COL6A1: variants seen among roughly 807,000 people sequenced by gnomAD.
COL6A1 encodes the protein collagen type VI alpha 1 chain, also known as collagen alpha-1(VI) chain.
COL6A1 carries 80 observed loss-of-function variants against 145.6 expected under a neutral mutation model. The ratio of observed to expected loss-of-function variants is 0.55; its 90% CI spans 0.46 to 0.66. The LOEUF is 0.66. Among genes scored for constraint, COL6A1 ranks in the 30% least tolerant of loss-of-function variants. The pLI is 0.00. For synonymous variants in COL6A1, 638 were observed against 622.8 expected (o/e 1.02, Z -0.36); for missense variants, 1,364 against 1,473.8 (o/e 0.93, Z 1.22).
At chr21:45,999,840 C>T (rs2077828365) in intron 27 of COL6A1, 148 bp downstream of exon 27, 1 of 747,688 alleles carries the variant, frequency 1.3e-6, no homozygotes, top group Non-Finnish European at 2.0e-6. Flanking sequence ...CCTAGGGACC[C>T]GTGACGGCCA....
rs1341754465 is a variant in COL6A1 at position 45,986,527 on chromosome 21, G to C, written c.430G>C (p.Gly144Arg). ...KKGLEQLLVG[G>R]SHLKENKYLI... ...CTCACGCTGCCCTCTCCTGTCCAGG[G>C]GCTCCCACCTGAAGGAGAATAAGTA... is the stretch of plus-strand genomic sequence containing the variant. Residue 144 changes from glycine to arginine, a missense_variant and splice_region_variant, in exon 4 of 35, where the codon GGC (glycine) becomes CGC (arginine). Around this residue, in one of 3 missense-constraint regions of COL6A1, gnomAD observed 414 missense variants for 437.6 expected, o/e 0.95. Coordinates refer to ENST00000361866, the MANE Select transcript of COL6A1 (RefSeq NM_001848.3). 1.9e-6 allele frequency: 3 copies of C among 1,557,926 alleles called. No individual in the cohort carries two copies. The highest frequency in any genetic ancestry group is 2.6e-6 in the Non-Finnish European group (3 of 1,150,906).
Position 45,992,206 on chromosome 21 carries a change from G to A in COL6A1, c.1225G>A (p.Ala409Thr), listed in dbSNP as rs760349853. 6.2e-7 allele frequency: 1 copy of A among 1,613,684 alleles called. No homozygotes were observed. Among genetic ancestry groups the A allele is most frequent in the South Asian group, 1.1e-5 (1 of 91,088 alleles). ...EPGPPGEKGE[A>T]GDEGNPGPDG... ...TGGGCCCCCCGGAGAGAAAGGAGAGGCGGGCGACGAGGTGAGTGAGGGCTC... is the reference window on the plus strand; with the variant it reads ...TGGGCCCCCCGGAGAGAAAGGAGAGACGGGCGACGAGGTGAGTGAGGGCTC... The change falls in exon 17 of 35, where the codon GCG becomes ACG. Residue 409 changes from alanine (A) to threonine (T), a missense_variant. Physicochemically the swap from Ala to Thr is moderately conservative, Grantham distance 58. Transcript: ENST00000361866.
At chr21:45,983,534 G>C (rs944740393) in intron 2 of COL6A1, among the ~76,000 whole-genome samples, 3 of 152,154 alleles carry the variant, frequency 2.0e-5, no homozygotes, top group Non-Finnish European at 2.9e-5. Context: ...CACCAGAAGG[G>C]GCACAGTCAG....
In COL6A1 at chr21:46,002,511, C is replaced by T. The variant is rs1243894570; in HGVS notation, c.2251-16C>T. 5 of 1,613,868 alleles carry T rather than the reference C, an allele frequency of 3.1e-6. No individual in the cohort carries two copies. Among genetic ancestry groups the T allele is most frequent in the Non-Finnish European group, 4.2e-6 (5 of 1,179,810 alleles). ...CAGAGCAGGCTGCGCCACACCGATA[C>T]TGTCTGTCCCCACAGGTGGTCTCCG... On this transcript the variant is annotated splice_polypyrimidine_tract_variant and intron_variant, in intron 32 of 34. Coordinates refer to ENST00000361866, the MANE Select transcript of COL6A1 (RefSeq NM_001848.3).
rs1569517619 is a variant in COL6A1 at position 45,982,775 on chromosome 21, G to GC, written c.227+16dup. 1 of 1,611,250 alleles carries GC rather than the reference G, an allele frequency of 6.2e-7. No individual in the cohort carries two copies. The highest frequency in any genetic ancestry group is 8.5e-7 in the Non-Finnish European group (1 of 1,179,866). ...AACCTGAGGGACAGGTAGGAGGGAC[G>GC]CCCCGTGACCTTCCTCCTGTGCTTC... On this transcript the variant is annotated intron_variant, in intron 2 of 34. Transcript: ENST00000361866.
intron 20 of COL6A1, 138 bp from the exon 21 acceptor site, chr21:45,997,283 T>C: frequency 9.9e-6 from 8 of 804,094 alleles, no homozygotes; most frequent in Non-Finnish European, 1.3e-5. Context: ...GGCCTGGCTC[T>C]CCCCCTGCAC....
rs1280630807 is a variant in COL6A1 at position 46,004,256 on chromosome 21, C to G, written c.*243C>G. 2 of 588,954 alleles carry G rather than the reference C, an allele frequency of 3.4e-6. No individual in the cohort carries two copies. The highest frequency in any genetic ancestry group is 2.0e-5 in the South Asian group (1 of 49,216). 36.5% of individuals were successfully genotyped at this position (588,954 alleles called of 1,614,324 possible). On this transcript the variant is annotated 3_prime_UTR_variant, in exon 35 of 35. Transcript: ENST00000361866. ...GGGCTCAGCCCTGAGCTAGTGTCAC[C>G]TGCACAGGGCCCTCTGAGGCTCAGC...
intron 19 of COL6A1, among the ~76,000 whole-genome samples, chr21:45,993,244 A>AC (rs1252047567): frequency 6.6e-6 from 1 of 151,986 alleles, no homozygotes; most frequent in African/African-American, 2.4e-5. Context: ...CTCAGAGGCC[A>AC]CCCCCCACCT....
chr21:45,992,872 G>A, intron 19 of COL6A1, 62 bp downstream of exon 19: 6 of 1,458,884 alleles, frequency 4.1e-6, no homozygotes, highest in Non-Finnish European at 5.6e-6. Flanking sequence ...GGCTGGGGCT[G>A]GGTCAGGCCT....
chr21:45,992,586 C>G (rs144174477), intron 18 of COL6A1, among the ~76,000 whole-genome samples, 162 bp from the exon 19 acceptor site: 1 of 152,216 alleles, frequency 6.6e-6, no homozygotes, highest in Non-Finnish European at 1.5e-5. Context: ...CCTGGGGAAC[C>G]AGGAGATTCC....
Position 46,002,535 on chromosome 21 carries a change from C to T in COL6A1, c.2259C>T (p.Ser753=), listed in dbSNP as rs769069690. The T allele has an allele frequency of 9.3e-6, 15 of 1,613,670 alleles. No homozygotes were observed. The highest frequency in any genetic ancestry group is 5.0e-5 in the Admixed American group (3 of 60,010). ...ACTGTCTGTCCCCACAGGTGGTCTC[C>T]GTGGGCATCAAAGACGTGTTTGACT... ...VLCSPGIQVV[S]VGIKDVFDFI... is the part of the protein sequence containing the mutation. The change falls in exon 33 of 35, where the codon TCC becomes TCT. Residue 753 remains serine, a synonymous_variant. Coordinates refer to ENST00000361866, the MANE Select transcript of COL6A1 (RefSeq NM_001848.3).
rs748327110 is a variant in COL6A1, at chr21:46,003,480, G to A, written c.2554G>A (p.Ala852Thr). 7.5e-6 allele frequency: 12 copies of A among 1,609,426 alleles called. No individual in the cohort carries two copies. In the East Asian group the frequency reaches 1.8e-4, roughly 24 times the overall value. Residue 852 changes from alanine (A) to threonine (T), a missense_variant, in exon 35 of 35, where the codon GCC (alanine) becomes ACC (threonine). Transcript: ENST00000361866. ...SHNFDTTKRF[A>T]KRLAERFLTA... Reference sequence around the variant, plus strand: ...CAACTTTGACACCACCAAGCGCTTCGCCAAGCGCCTGGCCGAGCGCTTCCT... The same window carrying A: ...CAACTTTGACACCACCAAGCGCTTCACCAAGCGCCTGGCCGAGCGCTTCCT...
At position 45,987,000 on chromosome 21, in the gene COL6A1, G is replaced by A. The variant is rs115292913; in HGVS notation, c.645G>A (p.Ala215=). Residue 215 remains alanine (A), a synonymous_variant, in exon 5 of 35, where the codon GCG becomes GCA. Coordinates refer to ENST00000361866, the MANE Select transcript of COL6A1 (RefSeq NM_001848.3). The part of the protein sequence containing the change: ...TDHTYRRNFT[A]ADWGQSRDAE... ...ACACGTACCGGCGCAACTTCACGGC[G>A]GCTGACTGGGGCCAGAGCCGCGACG... 3,005 of 1,551,210 alleles carry A rather than the reference G, an allele frequency of 1.9e-3. 45 individuals are homozygous for A. In the African/African-American group the frequency reaches 0.036, roughly 18 times the overall value.
At chr21:46,000,442 G>A in intron 28 of COL6A1, 75 bp downstream of exon 28, 1 of 1,536,820 alleles carries the variant, frequency 6.5e-7, no homozygotes, top group Non-Finnish European at 9.0e-7. Context: ...TCCTAGAAGG[G>A]TGTCTCCACT....
intron 22 of COL6A1, 142 bp from the exon 23 acceptor site, chr21:45,997,979 C>G (rs1348878019): frequency 2.5e-6 from 3 of 1,198,810 alleles, no homozygotes; most frequent in African/African-American, 3.0e-5. Context: ...CCACGGGGAC[C>G]AGCAGGGTGG....
intron 33 of COL6A1, 133 bp from the exon 34 acceptor site, chr21:46,002,984 GCAT>G (rs1227874465): frequency 1.5e-6 from 2 of 1,321,760 alleles, no homozygotes; most frequent in African/African-American, 2.9e-5. Context: ...TGTCCCACAG[GCAT>G]CCTCCTCCCG....
In COL6A1 at chr21:46,004,684, G is replaced by C. The variant is rs2077871155; in HGVS notation, c.*671G>C. 2.2e-6 allele frequency: 1 copy of C among 450,140 alleles called. No individual in the cohort carries two copies. Among genetic ancestry groups the C allele is most frequent in the South Asian group, 1.6e-5 (1 of 63,770 alleles). 27.9% of individuals were successfully genotyped at this position (450,140 alleles called of 1,614,324 possible). ...CCCGTCTCCTGAGGGTCCTGCTGGT[G>C]ACCGGCCTGGACCTTGGCCCTACAG... On this transcript the variant is annotated 3_prime_UTR_variant, in exon 35 of 35. Coordinates refer to ENST00000361866, the MANE Select transcript of COL6A1 (RefSeq NM_001848.3).
At position 46,002,351 on chromosome 21, in the gene COL6A1, A is replaced by G. The variant is rs562898957; in HGVS notation, c.2200A>G (p.Thr734Ala). Residue 734 changes from threonine (T) to alanine (A), a missense_variant, in exon 32 of 35, where the codon ACT becomes GCT. Thr to Ala is a moderately conservative substitution (Grantham distance 58). Around this residue, in one of 3 missense-constraint regions of COL6A1, gnomAD observed 938 missense variants for 1,003.8 expected, o/e 0.93. Coordinates refer to ENST00000361866, the MANE Select transcript of COL6A1 (RefSeq NM_001848.3). ...GGTCATCACTGACGGGCGCTCAGACACTCAGAGGGACACCACACCGCTCAA... is the reference window on the plus strand; with the variant it reads ...GGTCATCACTGACGGGCGCTCAGACGCTCAGAGGGACACCACACCGCTCAA... ...ALVITDGRSD[T>A]QRDTTPLNVL... The G allele has an allele frequency of 9.6e-5, 153 of 1,592,066 alleles. No individual in the cohort carries two copies. The highest frequency in any genetic ancestry group is 5.0e-4 in the Middle Eastern group (3 of 6,042).
At position 46,003,470 on chromosome 21, in the gene COL6A1, C is replaced by A; in HGVS notation, c.2544C>A (p.Thr848=). 2 of 1,608,660 alleles carry A rather than the reference C, an allele frequency of 1.2e-6. No homozygotes were observed. The highest frequency in any genetic ancestry group is 1.7e-6 in the Non-Finnish European group (2 of 1,179,708). The change falls in exon 35 of 35, where the codon ACC becomes ACA. Residue 848 remains threonine (T), a synonymous_variant. Coordinates refer to ENST00000361866, the MANE Select transcript of COL6A1 (RefSeq NM_001848.3). Reference sequence around the variant, plus strand: ...TGGGCAGCCACAACTTTGACACCACCAAGCGCTTCGCCAAGCGCCTGGCCG... The same window carrying A: ...TGGGCAGCCACAACTTTGACACCACAAAGCGCTTCGCCAAGCGCCTGGCCG... ...ASVGSHNFDT[T]KRFAKRLAER... is the part of the protein sequence containing the mutation.
Sources: allele counts gnomAD v4.1 joint callset (sites outside exome capture counted in the v4.1 genomes callset), GRCh38; gene constraint gnomAD v4.1.1; regional missense constraint gnomAD v4.1.1; transcripts MANE v1.5; gene names NCBI Gene and HGNC (gene_info 2026-07-23, HGNC 2026-07-21).